Variants in CSMD2 observed in about 807,000 individuals in gnomAD.
The protein encoded by CSMD2 is CUB and Sushi multiple domains 2, also known as CUB and sushi domain-containing protein 2.
In CSMD2, 130 loss-of-function variants were observed where a neutral mutation model predicts 398.5. The observed-to-expected ratio is 0.33, with a 90% CI of 0.28 to 0.38. The LOEUF (loss-of-function observed/expected upper bound fraction) is 0.38. CSMD2 is among the 10% of genes least tolerant of loss of function. The pLI is 1.00. For missense variants in CSMD2, 3,829 were observed against 4,764.9 expected (o/e 0.80, Z 5.78); for synonymous variants, 1,828 against 1,908.5 (o/e 0.96, Z 1.10).
At chr1:33,833,698 G>C (rs868563539) in intron 6 of CSMD2, among the ~76,000 whole-genome samples, 6 of 151,568 alleles carry the variant, frequency 4.0e-5, no homozygotes, top group South Asian at 4.2e-4. Context: ...ATTAGGAAAA[G>C]AGGAAGTCAA....
At chr1:33,898,085 T>C (rs1341632242) in intron 5 of CSMD2, among the ~76,000 whole-genome samples, 2 of 152,192 alleles carry the variant, frequency 1.3e-5, no homozygotes, top group Non-Finnish European at 2.9e-5. Context: ...GTGAAGGGAC[T>C]TGCCTAAGGT....
chr1:34,120,554 CT>C (rs1295162204), intron 1 of CSMD2, among the ~76,000 whole-genome samples: 2 of 152,158 alleles, frequency 1.3e-5, no homozygotes, highest in East Asian at 3.9e-4. Context: ...ACTGTAATTT[CT>C]TTTTTTGAGA....
At chr1:33,821,536 C>T (rs986949847) in intron 7 of CSMD2, among the ~76,000 whole-genome samples, 6 of 152,162 alleles carry the variant, frequency 3.9e-5, no homozygotes, top group African/African-American at 9.7e-5. Flanking sequence ...GGACAGCATT[C>T]GGCATTTTCC....
At chr1:33,693,413 C>T (rs1289266028) in intron 24 of CSMD2, among the ~76,000 whole-genome samples, 2 of 152,112 alleles carry the variant, frequency 1.3e-5, no homozygotes, top group Non-Finnish European at 2.9e-5. Context: ...CACTTCACAC[C>T]CACTGGGATG....
intron 32 of CSMD2, among the ~76,000 whole-genome samples, chr1:33,631,756 G>A (rs1363068023): frequency 2.0e-5 from 3 of 152,080 alleles, no homozygotes; most frequent in South Asian, 2.1e-4. Context: ...TAATATAAAC[G>A]TGAGTTCACC....
chr1:33,725,621 C>A, intron 16 of CSMD2, 85 bp from the exon 17 acceptor site: 1 of 1,308,718 alleles, frequency 7.6e-7, no homozygotes, highest in Non-Finnish European at 1.1e-6. Context: ...TGACCCAGGG[C>A]TTCCGAATAA....
intron 37 of CSMD2, among the ~76,000 whole-genome samples, chr1:33,618,274 A>G (rs984552427): frequency 2.6e-5 from 4 of 152,102 alleles, no homozygotes; most frequent in Non-Finnish European, 5.9e-5. Context: ...CTCACTGAGC[A>G]CTGGCCCCGC....
Position 33,698,748 on chromosome 1 carries a change from C to G in CSMD2, c.3925+5G>C, listed in dbSNP as rs1645505342. The stretch of plus-strand genomic sequence containing the variant: ...GGGTTCCCTGCAGAGGAAGAGCCCT[C>G]CTACCGACACAGGTGGGCAGAGGCC... On this transcript the variant is annotated splice_donor_5th_base_variant and intron_variant, in intron 24 of 70. Coordinates refer to ENST00000373381, the MANE Select transcript of CSMD2 (RefSeq NM_001281956.2). 6.2e-7 allele frequency: 1 copy of G among 1,609,478 alleles called. No homozygotes were observed. The highest frequency in any genetic ancestry group is 1.3e-5 in the African/African-American group (1 of 74,850).
At chr1:33,661,719 C>T (rs1644140665) in intron 26 of CSMD2, among the ~76,000 whole-genome samples, 1 of 152,164 alleles carries the variant, frequency 6.6e-6, no homozygotes, top group Non-Finnish European at 1.5e-5. Flanking sequence ...CTCATCTGCT[C>T]CCCACGCTGC....
At chr1:33,541,417 A>G (rs1656326210) in intron 58 of CSMD2, 108 bp from the exon 59 acceptor site, 1 of 832,090 alleles carries the variant, frequency 1.2e-6, no homozygotes, top group Non-Finnish European at 2.0e-6. Flanking sequence ...AAACTGTCAG[A>G]TCAGGGATGC....
At chr1:33,563,700 C>A (rs1658789512) in intron 53 of CSMD2, among the ~76,000 whole-genome samples, 1 of 151,952 alleles carries the variant, frequency 6.6e-6, no homozygotes. Context: ...TGATTCCAGG[C>A]CATCTTAACT....
intron 12 of CSMD2, among the ~76,000 whole-genome samples, chr1:33,778,808 C>A (rs1652333909): frequency 1.3e-5 from 2 of 152,132 alleles, no homozygotes; most frequent in South Asian, 2.1e-4. Flanking sequence ...GCAGAAGGGG[C>A]AGCTCAAGCC....
chr1:33,888,928 C>T (rs536613582), intron 5 of CSMD2, among the ~76,000 whole-genome samples: 2 of 152,186 alleles, frequency 1.3e-5, no homozygotes, highest in East Asian at 1.9e-4. Flanking sequence ...CCACCACGCC[C>T]GGCTAATTTT....
intron 10 of CSMD2, among the ~76,000 whole-genome samples, chr1:33,800,141 AC>A (rs1386195880): frequency 6.6e-6 from 1 of 152,118 alleles, no homozygotes; most frequent in Non-Finnish European, 1.5e-5. Flanking sequence ...ACCTTGGCCC[AC>A]CCAGCCTCAG....
At chr1:34,042,185 TAGA>T (rs1166133721) in intron 2 of CSMD2, among the ~76,000 whole-genome samples, 1 of 152,174 alleles carries the variant, frequency 6.6e-6, no homozygotes, top group Admixed American at 6.5e-5. Context: ...TAGAAAAACA[TAGA>T]AGACAGGGAA....
Position 33,617,570 on chromosome 1 carries a change from C to G in CSMD2, c.5875G>C (p.Val1959Leu). ...ACCAAGTAGCGCTCGCCAGTCTTCA[C>G]CCCGTTACTGGGCACAGCAGGTTCC... is the stretch of plus-strand genomic sequence containing the variant. ...CPEPAVPSNG[V>L]KTGERYLVND... The change falls in exon 38 of 71, where the codon GTG becomes CTG. Residue 1959 changes from valine (V) to leucine (L), a missense_variant. Around this residue, in one of 5 missense-constraint regions of CSMD2, gnomAD observed 2,001 missense variants for 2,567.1 expected, o/e 0.78. Coordinates refer to ENST00000373381, the MANE Select transcript of CSMD2 (RefSeq NM_001281956.2). 6.2e-7 allele frequency: 1 copy of G among 1,614,170 alleles called. No individual in the cohort carries two copies. Among genetic ancestry groups the G allele is most frequent in the Non-Finnish European group, 8.5e-7 (1 of 1,180,030 alleles).
intron 35 of CSMD2, 125 bp from the exon 36 acceptor site, chr1:33,623,591 T>G: frequency 1.4e-6 from 1 of 698,246 alleles, no homozygotes; most frequent in Admixed American, 2.1e-5. Context: ...GGCCTAACAC[T>G]GTGCTAGTCC....
intron 7 of CSMD2, among the ~76,000 whole-genome samples, chr1:33,825,489 G>T (rs1658692773): frequency 6.6e-6 from 1 of 152,252 alleles, no homozygotes; most frequent in Non-Finnish European, 1.5e-5. Context: ...GGAGGAAAAT[G>T]GGAAGAGGAG....
intron 53 of CSMD2, among the ~76,000 whole-genome samples, chr1:33,565,427 AC>A (rs1455654287): frequency 1.3e-5 from 2 of 152,076 alleles, no homozygotes; most frequent in Non-Finnish European, 2.9e-5. Context: ...AGGACACACA[AC>A]CTCTTCCTTA....
Sources: gnomAD v4.1 joint callset for allele counts (sites outside exome capture counted in the v4.1 genomes callset) on GRCh38, gnomAD v4.1.1 for gene constraint, gnomAD v4.1.1 regional missense constraint, MANE v1.5 for transcripts, NCBI Gene and HGNC (gene_info 2026-07-23, HGNC 2026-07-21) for gene names.